The following MICU3 variants were observed in gnomAD, a reference collection of about 807,000 sequenced individuals.
The protein encoded by MICU3 is mitochondrial calcium uptake 3.
In MICU3, 62 loss-of-function variants were observed where a neutral mutation model predicts 66.5. The observed-to-expected ratio is 0.93, with a 90% CI of 0.76 to 1.15. The LOEUF (loss-of-function observed/expected upper bound fraction) is 1.15, where lower values mean the gene tolerates loss of function less well. MICU3 is among the 50% of genes most tolerant of loss of function. The probability of loss-of-function intolerance (pLI) is 0.00; values close to 1 mark genes in which losing one functional copy is unlikely to be tolerated. For synonymous variants in MICU3, 308 were observed against 240.7 expected (o/e 1.28, Z -2.59); for missense variants, 779 against 664.4 (o/e 1.17, Z -1.90).
intron 1 of MICU3, among the ~76,000 whole-genome samples, chr8:17,037,189 C>T (rs996292757): frequency 2.8e-5 from 4 of 140,716 alleles, no homozygotes; most frequent in Non-Finnish European, 6.6e-5. Flanking sequence ...AGTTCCTGCT[C>T]GCGCCTCTCC....
At chr8:17,123,379 C>T (rs572425641), downstream of MICU3, among the ~76,000 whole-genome samples, 14 of 149,174 alleles carry the variant, frequency 9.4e-5, no homozygotes, top group African/African-American at 2.5e-4. Context: ...GGTGTACTTA[C>T]GAAAAATAGA....
intron 4 of MICU3, among the ~76,000 whole-genome samples, chr8:17,080,339 A>G (rs1820997066): frequency 6.6e-6 from 1 of 152,042 alleles, no homozygotes; most frequent in African/African-American, 2.4e-5. Flanking sequence ...TGGTCTGGAC[A>G]CTCACTATTA....
chr8:17,070,125 A>G (rs900339658), intron 3 of MICU3, among the ~76,000 whole-genome samples: 24 of 152,238 alleles, frequency 1.6e-4, no homozygotes, highest in Middle Eastern at 6.8e-3. Flanking sequence ...TCTACTAAAT[A>G]CACTGGTATC....
Position 17,098,481 on chromosome 8 carries a change from A to G in MICU3, c.912A>G (p.Glu304=). ...AGGTACTTAAAACAGATGCTGAGGA[A>G]CTTGTCTCCAGAAGCTATTGGGATA... is the stretch of plus-strand genomic sequence containing the variant. The part of the protein sequence containing the change: ...TNSVLKTDAE[E]LVSRSYWDTL... Residue 304 remains glutamate, a synonymous_variant, in exon 9 of 15, where the codon GAA becomes GAG. Coordinates refer to ENST00000318063, the MANE Select transcript of MICU3 (RefSeq NM_181723.3). The G allele has an allele frequency of 6.2e-7, 1 of 1,610,996 alleles. No homozygotes were observed. Among genetic ancestry groups the G allele is most frequent in the Non-Finnish European group, 8.5e-7 (1 of 1,177,642 alleles).
chr8:17,137,783 C>G, the MICU3 span, among the ~76,000 whole-genome samples: 1 of 135,908 alleles, frequency 7.4e-6, no homozygotes, highest in African/African-American at 2.7e-5. Flanking sequence ...GTGGCACAAT[C>G]TCGGCTCACT....
intron 1 of MICU3, among the ~76,000 whole-genome samples, chr8:17,030,118 A>G (rs1811763341): frequency 2.0e-5 from 3 of 152,204 alleles, no homozygotes; most frequent in East Asian, 1.9e-4. Context: ...TATGGCTGCT[A>G]TATTTTCTCT....
intron 1 of MICU3, 53 bp downstream of exon 1, chr8:17,027,713 G>T (rs186438301): frequency 1.6e-6 from 2 of 1,263,634 alleles, no homozygotes; most frequent in Non-Finnish European, 9.9e-7. Flanking sequence ...CCTTCGTGCC[G>T]GGTACGCAGG....
chr8:17,114,163 T>G lies in MICU3; in HGVS notation c.1328T>G (p.Leu443Arg). The change falls in exon 12 of 15, where the codon CTG becomes CGG. Residue 443 changes from leucine (L) to arginine (R), a missense_variant. Leu to Arg is a moderately radical substitution (Grantham distance 102). Transcript: ENST00000318063. Reference protein sequence around the residue: ...LNNLEDFAIALNMYNFASRSI... With the variant: ...LNNLEDFAIARNMYNFASRSI... ...AACCTAGAAGACTTTGCAATAGCCC[T>G]GAATATGTATAACTTTGCAAGTCGT... The G allele has an allele frequency of 1.2e-6, 2 of 1,612,114 alleles. No homozygotes were observed. Among genetic ancestry groups the G allele is most frequent in the South Asian group, 1.1e-5 (1 of 90,562 alleles).
At chr8:17,113,827 T>A (rs1451660738) in intron 11 of MICU3, among the ~76,000 whole-genome samples, 1 of 150,650 alleles carries the variant, frequency 6.6e-6, no homozygotes, top group African/African-American at 2.5e-5. Context: ...TTATTGGAGC[T>A]TTTTTTTTGG....
At chr8:17,063,742 A>T (rs1818235164) in intron 1 of MICU3, among the ~76,000 whole-genome samples, 1 of 152,170 alleles carries the variant, frequency 6.6e-6, no homozygotes, top group African/African-American at 2.4e-5. Context: ...GCATTCAGCA[A>T]GCGCTGGTGT....
intron 1 of MICU3, among the ~76,000 whole-genome samples, chr8:17,037,828 C>T (rs1813308165): frequency 6.6e-6 from 1 of 152,200 alleles, no homozygotes; most frequent in Non-Finnish European, 1.5e-5. Flanking sequence ...TGGGAGCCTA[C>T]CTCTTGGATC....
chr8:17,115,564 A>G (rs1487774948), intron 12 of MICU3, among the ~76,000 whole-genome samples: 1 of 152,320 alleles, frequency 6.6e-6, no homozygotes, highest in South Asian at 2.1e-4. Flanking sequence ...TTTTGCCATC[A>G]CAAGTATCTT....
rs748250877 is a variant in MICU3 at position 17,064,175 on chromosome 8, A to G, written c.473A>G (p.Glu158Gly). ...CGTTTATTTGCTTCTATAGAATGTG[A>G]AGGGCAGTTATTCATGACTCCGTAT... ...RFRLFASIEC[E>G]GQLFMTPYDF... Residue 158 changes from glutamate to glycine, a missense_variant, in exon 2 of 15, where the codon GAA becomes GGA. Glu to Gly is a moderately conservative substitution (Grantham distance 98). Coordinates refer to ENST00000318063, the MANE Select transcript of MICU3 (RefSeq NM_181723.3). 127 of 1,613,244 alleles carry G rather than the reference A, an allele frequency of 7.9e-5. No homozygotes were observed. Among genetic ancestry groups the G allele is most frequent in the Non-Finnish European group, 1.1e-4 (124 of 1,179,412 alleles).
At chr8:17,099,349 C>A (rs1312155625) in intron 9 of MICU3, among the ~76,000 whole-genome samples, 1 of 151,736 alleles carries the variant, frequency 6.6e-6, no homozygotes, top group Non-Finnish European at 1.5e-5. Context: ...GTGGGCTTCT[C>A]ATTTCTTTTT....
chr8:17,122,912 A>G (rs1311980997), downstream of MICU3, among the ~76,000 whole-genome samples: 5 of 152,080 alleles, frequency 3.3e-5, no homozygotes, highest in Admixed American at 2.6e-4. Flanking sequence ...GAAAGTTTAT[A>G]TGTGACTTAA....
At chr8:17,099,777 A>G (rs1443609292) in intron 9 of MICU3, among the ~76,000 whole-genome samples, 6 of 151,748 alleles carry the variant, frequency 4.0e-5, no homozygotes, top group Non-Finnish European at 5.9e-5. Context: ...AGTGCATACA[A>G]GTCAACTGTG....
chr8:17,030,566 A>G (rs1811848357), intron 1 of MICU3, among the ~76,000 whole-genome samples: 1 of 152,178 alleles, frequency 6.6e-6, no homozygotes, highest in South Asian at 2.1e-4. Context: ...TCCAAATGTC[A>G]GTATTTTATA....
chr8:17,087,400 C>G (rs1477274574), intron 7 of MICU3, among the ~76,000 whole-genome samples: 7 of 151,934 alleles, frequency 4.6e-5, no homozygotes, highest in African/African-American at 1.4e-4. Context: ...GGTAATATAA[C>G]AAGGTGACTG....
At chr8:17,107,837 G>A (rs1801870585) in intron 11 of MICU3, among the ~76,000 whole-genome samples, 1 of 152,114 alleles carries the variant, frequency 6.6e-6, no homozygotes, top group African/African-American at 2.4e-5. Flanking sequence ...ACTCAGATGT[G>A]GTCTAATTCA....
Sources: gnomAD v4.1 joint callset for allele counts (sites outside exome capture counted in the v4.1 genomes callset) on GRCh38, gnomAD v4.1.1 for gene constraint, MANE v1.5 for transcripts, NCBI Gene and HGNC (gene_info 2026-07-23, HGNC 2026-07-21) for gene names.